The following DGKB variants were observed in gnomAD, a reference collection of about 807,000 sequenced individuals.
DGKB encodes 90 kDa diacylglycerol kinase.
In DGKB, 67 loss-of-function variants were observed where a neutral mutation model predicts 114.3. The observed-to-expected ratio is 0.59, with a 90% confidence interval of 0.48 to 0.72. The LOEUF (loss-of-function observed/expected upper bound fraction) is 0.72, where lower values mean the gene tolerates loss of function less well. Ranked by LOEUF, DGKB falls within the 30% of genes least tolerant of loss-of-function variation. DGKB has a pLI of 0.00. For missense variants in DGKB, 907 were observed against 975.2 expected, an observed-to-expected ratio of 0.93 and a Z score of 0.93; for synonymous variants, 398 against 323.1, an observed-to-expected ratio of 1.23 and a Z score of -2.49.
chr7:14,605,195 TATC>T (rs1554541034), intron 17 of DGKB, among the ~76,000 whole-genome samples: 1 of 152,008 alleles, frequency 6.6e-6, no homozygotes, highest in Non-Finnish European at 1.5e-5. Flanking sequence ...GATTATGGAA[TATC>T]ATGCAGCAGT....
intron 6 of DGKB, among the ~76,000 whole-genome samples, 187 bp downstream of exon 6, chr7:14,718,355 C>T (rs1462647363): frequency 1.3e-5 from 2 of 151,974 alleles, no homozygotes; most frequent in Non-Finnish European, 2.9e-5. Flanking sequence ...TAAATAAGAA[C>T]CTGAAATTAA....
At chr7:14,784,629 A>C (rs1456830081) in intron 2 of DGKB, among the ~76,000 whole-genome samples, 1 of 152,178 alleles carries the variant, frequency 6.6e-6, no homozygotes, top group Non-Finnish European at 1.5e-5. Flanking sequence ...TGCCCACCTC[A>C]GCCTCCCAAA....
At chr7:14,300,558 G>GTTAT (rs1299086216) in intron 23 of DGKB, among the ~76,000 whole-genome samples, 2 of 152,054 alleles carry the variant, frequency 1.3e-5, no homozygotes, top group African/African-American at 4.8e-5. Context: ...ATTTAATGGA[G>GTTAT]TTATGTATTC....
rs73280380 is a variant in DGKB at position 14,467,815 on chromosome 7, C to T, written c.1835+10346G>A. On this transcript the variant is annotated intron_variant, in intron 21 of 25. Coordinates refer to ENST00000402815, the MANE Select transcript of DGKB (RefSeq NM_001350709.2). ...AATGCTTATGTGGAGGGAGAAGCAA[C>T]GCAGAGGATATAATTAGTTCCAATT... Among the ~76,000 whole-genome samples the T allele has an allele frequency of 8.9e-3, 1,350 of 151,994 alleles. 20 individuals carry two copies. Among genetic ancestry groups the T allele is most frequent in the African/African-American group, 0.031 (1,293 of 41,494 alleles).
intron 2 of DGKB, among the ~76,000 whole-genome samples, chr7:14,822,063 G>C (rs990932580): frequency 2.0e-5 from 3 of 152,116 alleles, no homozygotes; most frequent in Non-Finnish European, 4.4e-5. Flanking sequence ...CTAAGGGAGA[G>C]ACAGAGATGT....
intron 21 of DGKB, among the ~76,000 whole-genome samples, chr7:14,402,480 A>G (rs1823292770): frequency 6.6e-6 from 1 of 151,874 alleles, no homozygotes; most frequent in Non-Finnish European, 1.5e-5. Flanking sequence ...TAGGAATTGC[A>G]TATTTTAAAA....
chr7:14,512,168 T>C (rs1004191499), intron 20 of DGKB, among the ~76,000 whole-genome samples: 4 of 152,194 alleles, frequency 2.6e-5, no homozygotes, highest in Non-Finnish European at 5.9e-5. Flanking sequence ...ACAGTGTCTG[T>C]AAAGTGCAAT....
At chr7:14,634,196 C>T (rs1810290388) in intron 13 of DGKB, among the ~76,000 whole-genome samples, 1 of 150,752 alleles carries the variant, frequency 6.6e-6, no homozygotes. Flanking sequence ...TGCTATCTTG[C>T]CTCATTTAAT....
chr7:14,894,959 A>G (rs543649935), intron 1 of DGKB, among the ~76,000 whole-genome samples: 48 of 151,624 alleles, frequency 3.2e-4, no homozygotes, highest in Non-Finnish European at 6.2e-4. Flanking sequence ...ATTATATAAC[A>G]ATAGAGCACC....
Position 14,746,326 on chromosome 7 carries a change from T to G in DGKB, c.168+7602A>C, listed in dbSNP as rs183284241. On this transcript the variant is annotated intron_variant, in intron 4 of 25. Transcript: ENST00000402815. Reference sequence around the variant, plus strand: ...TCTAGCCTGGGTGTCAGAGTGAGACTCCATATACAAAAAAAAGGAATCAAT... The same window carrying G: ...TCTAGCCTGGGTGTCAGAGTGAGACGCCATATACAAAAAAAAGGAATCAAT... 1.1e-4 allele frequency among the ~76,000 whole-genome samples: 17 copies of G among 152,022 alleles called. No individual in the cohort carries two copies. In the East Asian group the frequency reaches 3.3e-3, roughly 29 times the overall value.
At chr7:14,398,346 C>T (rs551302046) in intron 21 of DGKB, among the ~76,000 whole-genome samples, 21 of 152,116 alleles carry the variant, frequency 1.4e-4, no homozygotes, top group African/African-American at 4.8e-4. Context: ...ATTAGAAAAA[C>T]AGACACTTTA....
At position 14,779,097 on chromosome 7, in the gene DGKB, A is replaced by C. The variant is rs551314870; in HGVS notation, c.71-21366T>G. Reference sequence around the variant, plus strand: ...CTTGAACATGGGAGGGAGAGGTTGCAGTGAGCCAAGATCGTGCCACTGCTC... The same window carrying C: ...CTTGAACATGGGAGGGAGAGGTTGCCGTGAGCCAAGATCGTGCCACTGCTC... On this transcript the variant is annotated intron_variant, in intron 2 of 25. Transcript: ENST00000402815. Among the ~76,000 whole-genome samples the C allele has an allele frequency of 6.6e-5, 10 of 152,304 alleles. No individual in the cohort carries two copies. In the South Asian group the frequency reaches 2.1e-3, roughly 32 times the overall value.
At chr7:14,438,460 G>A (rs1829600413) in intron 21 of DGKB, among the ~76,000 whole-genome samples, 1 of 152,072 alleles carries the variant, frequency 6.6e-6, no homozygotes, top group South Asian at 2.1e-4. Context: ...TCATTAAAGA[G>A]ATATTGTCAA....
chr7:14,718,921 G>A (rs1405427467), intron 5 of DGKB: 1 of 387,758 alleles, frequency 2.6e-6, no homozygotes, highest in Admixed American at 4.4e-5. Context: ...GCCACGGATG[G>A]TATTTGGGTC....
At chr7:14,522,093 C>G (rs923634206) in intron 20 of DGKB, among the ~76,000 whole-genome samples, 5 of 152,064 alleles carry the variant, frequency 3.3e-5, no homozygotes, top group Admixed American at 2.6e-4. Flanking sequence ...AGCGTTCACC[C>G]AAAGATTGGT....
chr7:14,720,095 C>T (rs568186890), intron 5 of DGKB, among the ~76,000 whole-genome samples: 4 of 150,616 alleles, frequency 2.7e-5, no homozygotes, highest in East Asian at 2.0e-4. Flanking sequence ...CACACACACA[C>T]GCACGCACGC....
At chr7:14,401,862 G>C (rs535790910) in intron 21 of DGKB, among the ~76,000 whole-genome samples, 23 of 151,710 alleles carry the variant, frequency 1.5e-4, no homozygotes, top group East Asian at 1.4e-3. Context: ...TTTTAATACG[G>C]ATAGGATGTT....
chr7:14,900,958 T>C (rs1365946134), intron 1 of DGKB, among the ~76,000 whole-genome samples: 3 of 152,216 alleles, frequency 2.0e-5, no homozygotes, highest in Non-Finnish European at 4.4e-5. Flanking sequence ...CTATTCTTCA[T>C]ATAGACTTTT....
intron 1 of DGKB, among the ~76,000 whole-genome samples, chr7:14,855,418 T>C (rs1316269690): frequency 2.6e-5 from 4 of 152,182 alleles, no homozygotes; most frequent in African/African-American, 9.7e-5. Flanking sequence ...TAGTAGGACA[T>C]ACTAGAAAAA....
Sources: gnomAD v4.1 joint callset for allele counts (sites outside exome capture counted in the v4.1 genomes callset) on GRCh38, gnomAD v4.1.1 for gene constraint, MANE v1.5 for transcripts, NCBI Gene and HGNC (gene_info 2026-07-23, HGNC 2026-07-21) for gene names.